The following CWC27 variants were observed in gnomAD, a reference collection of about 807,000 sequenced individuals.
The protein encoded by CWC27 is CWC27 spliceosome associated cyclophilin.
Under a neutral mutation model 63.6 loss-of-function variants are expected in CWC27, and 47 were observed. The observed-to-expected ratio is 0.74, with a 90% CI of 0.58 to 0.94. The LOEUF is 0.94. Among genes scored for constraint, CWC27 ranks in the 40% least tolerant of loss-of-function variants. The pLI is 0.00. For missense variants in CWC27, 495 were observed against 554.3 expected (o/e 0.89, Z 1.07); for synonymous variants, 175 against 179.8 (o/e 0.97, Z 0.22).
intron 10 of CWC27, among the ~76,000 whole-genome samples, chr5:64,848,425 T>C (rs1030321389): frequency 6.6e-6 from 1 of 151,458 alleles, no homozygotes; most frequent in Non-Finnish European, 1.5e-5. Context: ...AGAACTGATA[T>C]CAATCCTTCT....
intron 10 of CWC27, among the ~76,000 whole-genome samples, chr5:64,882,342 T>C (rs866216007): frequency 6.6e-6 from 1 of 152,146 alleles, no homozygotes; most frequent in Non-Finnish European, 1.5e-5. Context: ...CGATTTCAGG[T>C]TTGGACATAA....
At chr5:64,984,548 T>A (rs1286457095) in intron 13 of CWC27, among the ~76,000 whole-genome samples, 1 of 152,198 alleles carries the variant, frequency 6.6e-6, no homozygotes, top group Non-Finnish European at 1.5e-5. Flanking sequence ...CAATGAGCAA[T>A]CCAGTAGTAA....
chr5:64,830,951 T>C (rs1011733215), intron 10 of CWC27, among the ~76,000 whole-genome samples: 1 of 152,104 alleles, frequency 6.6e-6, no homozygotes, highest in Non-Finnish European at 1.5e-5. Context: ...GCATCTGATG[T>C]GTGATTAGGG....
chr5:64,969,716 G>A (rs1749083293), intron 11 of CWC27, among the ~76,000 whole-genome samples: 1 of 152,120 alleles, frequency 6.6e-6, no homozygotes, highest in Non-Finnish European at 1.5e-5. Flanking sequence ...TGTCTAGTGA[G>A]TTTAAAGAAG....
At chr5:64,885,359 G>T in intron 10 of CWC27, 84 bp from the exon 11 acceptor site, 1 of 827,306 alleles carries the variant, frequency 1.2e-6, no homozygotes. Context: ...TTTCTTAGAT[G>T]TAGTATACCA....
chr5:64,868,906 A>G (rs1033193121), intron 10 of CWC27, among the ~76,000 whole-genome samples: 1 of 151,902 alleles, frequency 6.6e-6, no homozygotes, highest in Non-Finnish European at 1.5e-5. Context: ...CCCTCTGTCA[A>G]ATTTCCACAC....
intron 10 of CWC27, among the ~76,000 whole-genome samples, chr5:64,832,275 A>G (rs115624247): frequency 0.014 from 2,089 of 148,524 alleles, 27 homozygotes; most frequent in African/African-American, 0.039. Context: ...CCAAAAAATC[A>G]CATTTGTTAA....
Position 64,977,241 on chromosome 5 carries a change from A to T in CWC27, c.1256+3A>T. ...GAAGTAGAAGATGATGAAGGATGGT[A>T]AGGGCTTTGATTTCTGTATATTAAC... On this transcript the variant is annotated splice_donor_region_variant and intron_variant, in intron 13 of 13. Transcript: ENST00000381070. The T allele has an allele frequency of 6.3e-7, 1 of 1,590,908 alleles. No homozygotes were observed. Among genetic ancestry groups the T allele is most frequent in the Non-Finnish European group, 8.6e-7 (1 of 1,160,180 alleles).
intron 10 of CWC27, among the ~76,000 whole-genome samples, chr5:64,876,693 C>A (rs1051368824): frequency 6.6e-6 from 1 of 151,966 alleles, no homozygotes; most frequent in East Asian, 1.9e-4. Flanking sequence ...GACTTCATCA[C>A]CCTTATATTA....
chr5:64,863,962 G>C (rs1346846930), intron 10 of CWC27, among the ~76,000 whole-genome samples: 1 of 152,102 alleles, frequency 6.6e-6, no homozygotes, highest in Non-Finnish European at 1.5e-5. Flanking sequence ...ATTATTTTCT[G>C]TCGTTCCATT....
At chr5:64,996,756 C>T (rs1463859146) in intron 13 of CWC27, among the ~76,000 whole-genome samples, 1 of 151,968 alleles carries the variant, frequency 6.6e-6, no homozygotes, top group Non-Finnish European at 1.5e-5. Context: ...TATGTAATAT[C>T]ACATTTTCTG....
At chr5:64,942,448 A>AG (rs1748502127) in intron 11 of CWC27, among the ~76,000 whole-genome samples, 1 of 150,972 alleles carries the variant, frequency 6.6e-6, no homozygotes, top group Non-Finnish European at 1.5e-5. Context: ...TAAAAAAAAA[A>AG]AAAAAAAAAA....
At chr5:64,772,655 A>T (rs1479277673) in intron 1 of CWC27, among the ~76,000 whole-genome samples, 6 of 102,176 alleles carry the variant, frequency 5.9e-5, no homozygotes, top group Admixed American at 1.0e-4. Context: ...AAAAAAAAAA[A>T]GTCCAGGCGC....
At chr5:64,902,231 C>T (rs974871377) in intron 11 of CWC27, among the ~76,000 whole-genome samples, 1 of 151,030 alleles carries the variant, frequency 6.6e-6, no homozygotes, top group Non-Finnish European at 1.5e-5. Flanking sequence ...GATTTGTTTA[C>T]ACCAGCATAA....
chr5:64,988,458 T>G (rs1272816299), intron 13 of CWC27, among the ~76,000 whole-genome samples: 1 of 152,250 alleles, frequency 6.6e-6, no homozygotes, highest in African/African-American at 2.4e-5. Context: ...ACAACCCATT[T>G]GGGTTCAGGC....
rs183488197 is a variant in CWC27 at position 64,975,758 on chromosome 5, A to T, written c.1153-1377A>T. On this transcript the variant is annotated intron_variant, in intron 12 of 13. Coordinates refer to ENST00000381070, the MANE Select transcript of CWC27 (RefSeq NM_005869.4). ...TAGAATGCAATGTTTCATGTATATAATTTTTAATAACAATAGCATATTTAG... is the reference window on the plus strand; with the variant it reads ...TAGAATGCAATGTTTCATGTATATATTTTTTAATAACAATAGCATATTTAG... Among the ~76,000 whole-genome samples the T allele has an allele frequency of 2.7e-3, 418 of 152,272 alleles. 1 individual carries two copies. Among genetic ancestry groups the T allele is most frequent in the Admixed American group, 7.9e-3 (121 of 15,300 alleles).
intron 7 of CWC27, among the ~76,000 whole-genome samples, chr5:64,799,633 A>G (rs1259313476): frequency 7.2e-6 from 1 of 139,782 alleles, no homozygotes; most frequent in East Asian, 2.3e-4. Flanking sequence ...TTGTTTTATA[A>G]TGCTACTTCT....
At chr5:64,986,685 G>GCCC (rs532376368) in intron 13 of CWC27, among the ~76,000 whole-genome samples, 13 of 151,100 alleles carry the variant, frequency 8.6e-5, no homozygotes, top group African/African-American at 3.2e-4. Flanking sequence ...TTTTATCAGA[G>GCCC]CCCCCCCCGG....
At chr5:64,786,677 CATTT>C in intron 6 of CWC27, 50 bp downstream of exon 6, 1 of 1,099,078 alleles carries the variant, frequency 9.1e-7, no homozygotes, top group Non-Finnish European at 1.3e-6. Context: ...GACACTCATT[CATTT>C]AGTTTACTAT....
Sources: gnomAD v4.1 joint callset for allele counts (sites outside exome capture counted in the v4.1 genomes callset) on GRCh38, gnomAD v4.1.1 for gene constraint, MANE v1.5 for transcripts, NCBI Gene and HGNC (gene_info 2026-07-23, HGNC 2026-07-21) for gene names.